The following HMCN2 variants were observed in gnomAD, a reference collection of about 807,000 sequenced individuals.
HMCN2 encodes hemicentin-2.
A neutral mutation model predicts 377.5 loss-of-function variants in HMCN2; 325 were observed. That is an observed-to-expected ratio of 0.86 (90% CI 0.79 to 0.94). The LOEUF is 0.94. Ranked by LOEUF, HMCN2 falls within the 40% of genes least tolerant of loss-of-function variation. HMCN2 has a pLI of 0.00. For synonymous variants in HMCN2, 2,007 were observed against 2,046.8 expected, an observed-to-expected ratio of 0.98 and a Z score of 0.53; for missense variants, 4,543 against 4,725.3, an observed-to-expected ratio of 0.96 and a Z score of 1.13.
intron 23 of HMCN2, among the ~76,000 whole-genome samples, chr9:130,340,484 C>T (rs1838986179): frequency 6.6e-6 from 1 of 152,030 alleles, no homozygotes; most frequent in South Asian, 2.1e-4. Context: ...GCCTCAGTTT[C>T]CCCTGTGCAC....
rs78881748 is a variant in HMCN2 at position 130,371,171 on chromosome 9, G to A, written c.7237+40G>A. On this transcript the variant is annotated intron_variant, in intron 46 of 97. Transcript: ENST00000683500. ...AAGGTTGGATCCTGGGAATCAGGTCGGGCTCTCTGCCTCTGACTCTATCCA... is the reference window on the plus strand; with the variant it reads ...AAGGTTGGATCCTGGGAATCAGGTCAGGCTCTCTGCCTCTGACTCTATCCA... 1,058 of 979,532 alleles carry A rather than the reference G, an allele frequency of 1.1e-3. 9 individuals carry two copies. In the African/African-American group the frequency reaches 0.014, roughly 13 times the overall value. 60.7% of individuals were successfully genotyped at this position (979,532 alleles called of 1,614,324 possible).
At chr9:130,359,222 C>A (rs1170933017) in intron 36 of HMCN2, 97 bp from the exon 37 acceptor site, 3 of 549,640 alleles carry the variant, frequency 5.5e-6, no homozygotes, top group Non-Finnish European at 2.9e-6. Context: ...CTAGGATTTT[C>A]TATGGGGAGC....
In HMCN2 at chr9:130,305,008, G is replaced by T. The variant is rs1554936209; in HGVS notation, c.1816+6G>T. ...CGTCTGGCTCCTGGTGCGAGGTGAG[G>T]CTCATCCTGCTGCTGCTGTTCCCCT... On this transcript the variant is annotated splice_donor_region_variant and intron_variant, in intron 11 of 97. Coordinates refer to ENST00000683500, the MANE Select transcript of HMCN2 (RefSeq NM_001291815.2). 4.3e-6 allele frequency: 2 copies of T among 465,230 alleles called. No individual in the cohort carries two copies. The highest frequency in any genetic ancestry group is 4.0e-5 in the African/African-American group (2 of 49,960). 28.8% of individuals were successfully genotyped at this position (465,230 alleles called of 1,614,324 possible). A position where few individuals can be genotyped will look rare whatever the true frequency, so the allele number is the denominator to read the frequency against.
chr9:130,295,161 G>T (rs1287974765), intron 5 of HMCN2, 135 bp downstream of exon 5: 2 of 290,756 alleles, frequency 6.9e-6, no homozygotes, highest in Non-Finnish European at 1.4e-5. Context: ...TATGGGGTGG[G>T]GGGGACACGA....
intron 22 of HMCN2, among the ~76,000 whole-genome samples, chr9:130,333,478 C>G (rs2131444974): frequency 6.6e-6 from 1 of 152,330 alleles, no homozygotes; most frequent in East Asian, 1.9e-4. Flanking sequence ...CTGCGTGCGC[C>G]TCACTGCAGG....
At position 130,304,727 on chromosome 9, in the gene HMCN2, C is replaced by T; in HGVS notation, c.1544-3C>T. ...GGTTCCTCCTGTGCTCATGTCCCTG[C>T]AGACCCCCCGCCGCAGCTGGTCCCT... On this transcript the variant is annotated splice_region_variant and splice_polypyrimidine_tract_variant and intron_variant, in intron 10 of 97. Transcript: ENST00000683500. The surrounding 1 kb of genome is among the most constrained non-coding windows in gnomAD (Gnocchi z 4.3). The T allele has an allele frequency of 2.2e-6, 1 of 460,940 alleles. No homozygotes were observed. The highest frequency in any genetic ancestry group is 4.5e-6 in the Non-Finnish European group (1 of 220,036). 28.6% of individuals were successfully genotyped at this position (460,940 alleles called of 1,614,324 possible). A position where few individuals can be genotyped will look rare whatever the true frequency, so the allele number is the denominator to read the frequency against.
Position 130,432,714 on chromosome 9 carries a change from A to G in HMCN2, c.14894+159A>G, listed in dbSNP as rs185389215. The G allele has an allele frequency of 3.2e-5, 23 of 726,454 alleles. No homozygotes were observed. In the African/African-American group the frequency reaches 3.7e-4, roughly 12 times the overall value. 45.0% of individuals were successfully genotyped at this position (726,454 alleles called of 1,614,324 possible). A position where few individuals can be genotyped will look rare whatever the true frequency, so the allele number is the denominator to read the frequency against. ...CAGGGAGAGGCCAGAGTGGGAGAGA[A>G]CGGGGACACAGGAGCACACACACCA... On this transcript the variant is annotated intron_variant, in intron 97 of 97. Transcript: ENST00000683500.
At chr9:130,279,131 C>T (rs1270296743) in intron 1 of HMCN2, among the ~76,000 whole-genome samples, 1 of 148,514 alleles carries the variant, frequency 6.7e-6, no homozygotes, top group Non-Finnish European at 1.5e-5. Context: ...GAACTCCTGA[C>T]CTCGTGATCC....
chr9:130,425,102 G>T lies in HMCN2; in HGVS notation c.13613G>T (p.Ser4538Ile). The T allele has an allele frequency of 6.5e-7, 1 of 1,549,876 alleles. No homozygotes were observed. The highest frequency in any genetic ancestry group is 8.7e-7 in the Non-Finnish European group (1 of 1,146,798). The change falls in exon 89 of 98, where the codon AGC (serine) becomes ATC (isoleucine). Residue 4538 changes from serine to isoleucine, a missense_variant. Around this residue, in one of 5 missense-constraint regions of HMCN2, gnomAD observed 1,155 missense variants for 1,157.7 expected, o/e 1.00. Coordinates refer to ENST00000683500, the MANE Select transcript of HMCN2 (RefSeq NM_001291815.2). ...GTGGTCAATGGCGTTGTCCCCGAGA[G>T]CCTGGCTGACGCAGATCTTCAAGTG... Reference protein sequence around the residue: ...DVVVNGVVPESLADADLQVQD... With the variant: ...DVVVNGVVPEILADADLQVQD...
intron 53 of HMCN2, 108 bp downstream of exon 53, chr9:130,377,907 C>T (rs753958390): frequency 1.1e-4 from 91 of 844,710 alleles, no homozygotes; most frequent in South Asian, 1.6e-4. Context: ...ACGCGCCACC[C>T]GTGGCATCTC....
chr9:130,398,121 C>G (rs964379291), intron 74 of HMCN2, among the ~76,000 whole-genome samples: 2 of 133,440 alleles, frequency 1.5e-5, no homozygotes, highest in Non-Finnish European at 3.0e-5. Flanking sequence ...CCACTGCACT[C>G]CAGCCTGGGT....
intron 61 of HMCN2, among the ~76,000 whole-genome samples, chr9:130,387,122 C>T (rs1053959637): frequency 4.6e-5 from 7 of 152,230 alleles, no homozygotes; most frequent in African/African-American, 1.4e-4. Flanking sequence ...GGGCCTGTCC[C>T]ATCCACCCAA....
intron 84 of HMCN2, among the ~76,000 whole-genome samples, chr9:130,409,283 T>C (rs555972211): frequency 6.6e-6 from 1 of 152,330 alleles, no homozygotes; most frequent in East Asian, 1.9e-4. Flanking sequence ...AGGCAGGTAA[T>C]AGTGCTCCCT....
intron 19 of HMCN2, among the ~76,000 whole-genome samples, chr9:130,322,724 A>G (rs1448431885): frequency 6.6e-6 from 1 of 152,090 alleles, no homozygotes; most frequent in African/African-American, 2.4e-5. Context: ...CATCACAGAG[A>G]TTGTACGTTT....
At chr9:130,267,304 T>G (rs976667676) in intron 1 of HMCN2, among the ~76,000 whole-genome samples, 2 of 151,030 alleles carry the variant, frequency 1.3e-5, no homozygotes, top group Non-Finnish European at 3.0e-5. Context: ...GAAACATACA[T>G]GGAACCGCCT....
chr9:130,314,578 C>T (rs1023708586), intron 15 of HMCN2, among the ~76,000 whole-genome samples: 5 of 152,276 alleles, frequency 3.3e-5, no homozygotes, highest in Admixed American at 6.5e-5. Context: ...AAGTGGTCCC[C>T]GAGTCCTCAG....
chr9:130,430,236 G>A (rs1564889214), intron 94 of HMCN2, 48 bp from the exon 95 acceptor site: 2 of 1,443,618 alleles, frequency 1.4e-6, no homozygotes, highest in Non-Finnish European at 1.9e-6. Context: ...GCAGGCTGCA[G>A]GGGAACCTGG....
intron 36 of HMCN2, among the ~76,000 whole-genome samples, chr9:130,358,958 G>A (rs546416423): frequency 6.6e-6 from 1 of 152,382 alleles, no homozygotes; most frequent in East Asian, 1.9e-4. Flanking sequence ...ACAGGCGTGA[G>A]CCACGGTGGG....
At position 130,425,039 on chromosome 9, in the gene HMCN2, G is replaced by T. The variant is rs747196145; in HGVS notation, c.13550G>T (p.Arg4517Leu). ...CTGCTCACGATGACCCAGGTGGCCC[G>T]GGGTCTGGATCCCGATGGCCTCCTG... ...GELLTMTQVARGLDPDGLLLL... is the reference protein window; with the variant it reads ...GELLTMTQVALGLDPDGLLLL... The change falls in exon 89 of 98, where the codon CGG (arginine) becomes CTG (leucine). Residue 4517 changes from arginine to leucine, a missense_variant. By Grantham distance (102) the Arg-to-Leu change is moderately radical. This residue lies in a region of HMCN2 where 1,155 missense variants were observed against 1,157.7 expected (regional missense o/e 1.00). Coordinates refer to ENST00000683500, the MANE Select transcript of HMCN2 (RefSeq NM_001291815.2). 1.3e-6 allele frequency: 2 copies of T among 1,549,612 alleles called. No homozygotes were observed. Among genetic ancestry groups the T allele is most frequent in the African/African-American group, 1.4e-5 (1 of 73,034 alleles).
Sources: allele counts gnomAD v4.1 joint callset (sites outside exome capture counted in the v4.1 genomes callset), GRCh38; gene constraint gnomAD v4.1.1; regional missense constraint gnomAD v4.1.1; non-coding constraint Gnocchi (gnomAD v3.1); transcripts MANE v1.5; gene names NCBI Gene and HGNC (gene_info 2026-07-23, HGNC 2026-07-21).